Variants in PKNOX2 observed in about 807,000 individuals in gnomAD.
PKNOX2 encodes the protein PBX/knotted 1 homeobox 2.
A neutral mutation model predicts 53.1 loss-of-function variants in PKNOX2; 14 were observed. The observed-to-expected ratio is 0.26, with a 90% CI of 0.17 to 0.41. The LOEUF (loss-of-function observed/expected upper bound fraction) is 0.41. Among genes scored for constraint, PKNOX2 ranks in the 10% least tolerant of loss-of-function variants. The pLI is 1.00. For missense variants in PKNOX2, 496 were observed against 602.8 expected, an observed-to-expected ratio of 0.82 and a Z score of 1.85; for synonymous variants, 257 against 242.8, an observed-to-expected ratio of 1.06 and a Z score of -0.54.
intron 2 of PKNOX2, among the ~76,000 whole-genome samples, chr11:125,251,049 C>G (rs1405464022): frequency 6.6e-6 from 1 of 152,246 alleles, no homozygotes; most frequent in Non-Finnish European, 1.5e-5. Flanking sequence ...GCGGGCGCCC[C>G]TCCACCCCCT....
At chr11:125,234,484 C>T (rs1321339803) in intron 1 of PKNOX2, among the ~76,000 whole-genome samples, 1 of 152,208 alleles carries the variant, frequency 6.6e-6, no homozygotes, top group Admixed American at 6.5e-5. Flanking sequence ...TCTCTATGCA[C>T]ATTTTTCTTC....
At chr11:125,196,662 G>GGCA (rs1937729618) in intron 1 of PKNOX2, among the ~76,000 whole-genome samples, 1 of 152,152 alleles carries the variant, frequency 6.6e-6, no homozygotes, top group Non-Finnish European at 1.5e-5. Flanking sequence ...TGTGGCCTTG[G>GGCA]GCAAGCTGCC....
chr11:125,249,996 C>G (rs1368387125), intron 2 of PKNOX2, among the ~76,000 whole-genome samples: 1 of 133,558 alleles, frequency 7.5e-6, no homozygotes, highest in Non-Finnish European at 1.5e-5. Context: ...ACCCGGGAGG[C>G]AGAGGTTGCG....
At chr11:125,419,143 C>G (rs1023854633) in intron 10 of PKNOX2, among the ~76,000 whole-genome samples, 6 of 151,890 alleles carry the variant, frequency 4.0e-5, no homozygotes, top group African/African-American at 1.2e-4. Context: ...TGGGGCAGGA[C>G]CTGGGTTGAG....
chr11:125,212,866 C>G (rs1188338430), intron 1 of PKNOX2, among the ~76,000 whole-genome samples: 1 of 151,960 alleles, frequency 6.6e-6, no homozygotes, highest in Non-Finnish European at 1.5e-5. Context: ...GGTCTAGGCT[C>G]AGAACTCACT....
intron 2 of PKNOX2, among the ~76,000 whole-genome samples, chr11:125,270,508 G>A (rs576945539): frequency 6.6e-6 from 1 of 152,264 alleles, no homozygotes; most frequent in East Asian, 1.9e-4. Flanking sequence ...ATTGTCCCAC[G>A]CCTGGCGCCA....
At chr11:125,388,878 A>C (rs1397260406) in intron 6 of PKNOX2, among the ~76,000 whole-genome samples, 1 of 152,172 alleles carries the variant, frequency 6.6e-6, no homozygotes, top group African/African-American at 2.4e-5. Flanking sequence ...GAAGAAACAG[A>C]TTCATCAACC....
intron 1 of PKNOX2, among the ~76,000 whole-genome samples, chr11:125,175,900 G>A (rs954519596): frequency 1.3e-5 from 2 of 152,214 alleles, no homozygotes; most frequent in Non-Finnish European, 2.9e-5. Flanking sequence ...ACCGTGACTT[G>A]CATGTAATAC....
intron 2 of PKNOX2, among the ~76,000 whole-genome samples, chr11:125,254,035 A>G (rs931028551): frequency 6.6e-6 from 1 of 152,136 alleles, no homozygotes; most frequent in Non-Finnish European, 1.5e-5. Context: ...ATGTAACACC[A>G]GGCTTCCTCC....
chr11:125,377,741 G>A (rs185366953), intron 5 of PKNOX2, among the ~76,000 whole-genome samples: 1 of 152,280 alleles, frequency 6.6e-6, no homozygotes, highest in African/African-American at 2.4e-5. Flanking sequence ...AACAATAGCT[G>A]ATGAGCAAAA....
chr11:125,257,558 A>G (rs1944499859), intron 2 of PKNOX2, among the ~76,000 whole-genome samples: 1 of 152,218 alleles, frequency 6.6e-6, no homozygotes, highest in Admixed American at 6.5e-5. Flanking sequence ...ATTTACTAAG[A>G]ATCTGACATT....
chr11:125,245,383 A>C (rs1014083214), intron 2 of PKNOX2, among the ~76,000 whole-genome samples: 2 of 152,230 alleles, frequency 1.3e-5, no homozygotes, highest in African/African-American at 4.8e-5. Context: ...GGAGCTCAGA[A>C]AGGCCAAGCA....
At chr11:125,391,864 G>C (rs933996824) in intron 6 of PKNOX2, among the ~76,000 whole-genome samples, 1 of 152,268 alleles carries the variant, frequency 6.6e-6, no homozygotes, top group South Asian at 2.1e-4. Flanking sequence ...CACATTTGGC[G>C]GTGATGTTGA....
intron 2 of PKNOX2, among the ~76,000 whole-genome samples, chr11:125,302,453 C>T (rs1006649799): frequency 2.0e-5 from 3 of 152,206 alleles, no homozygotes; most frequent in Non-Finnish European, 2.9e-5. Context: ...CTGCACACTA[C>T]CCCTCACAGC....
chr11:125,387,377 CCTT>C lies in PKNOX2; in HGVS notation c.399+1659_399+1661del, dbSNP rs1953708274. On this transcript the variant is annotated intron_variant, in intron 6 of 12. Coordinates refer to ENST00000298282, the MANE Select transcript of PKNOX2 (RefSeq NM_001382323.2). The stretch of plus-strand genomic sequence containing the variant: ...GGTAGCTAATGTGAAATAACTTATA[CCTT>C]CTTAAGAGGGAGGAGTTCTGGGGGA... Among the ~76,000 whole-genome samples the C allele has an allele frequency of 3.3e-5, 5 of 152,198 alleles. No homozygotes were observed. In the South Asian group the frequency reaches 1.0e-3, roughly 32 times the overall value.
At chr11:125,221,639 T>C (rs1035857608) in intron 1 of PKNOX2, among the ~76,000 whole-genome samples, 1 of 152,218 alleles carries the variant, frequency 6.6e-6, no homozygotes, top group Non-Finnish European at 1.5e-5. Context: ...TGAGTTTAAG[T>C]AGCTTGTTAT....
chr11:125,387,743 C>T (rs1470942354), intron 6 of PKNOX2, among the ~76,000 whole-genome samples: 2 of 152,134 alleles, frequency 1.3e-5, no homozygotes, highest in African/African-American at 2.4e-5. Context: ...TGGAGCAATC[C>T]TTGGACATTC....
intron 1 of PKNOX2, among the ~76,000 whole-genome samples, chr11:125,195,743 C>T (rs552117712): frequency 1.3e-5 from 2 of 152,248 alleles, no homozygotes; most frequent in African/African-American, 4.8e-5. Context: ...GTGGGGCAGT[C>T]CCATCGGCAG....
At position 125,166,344 on chromosome 11, in the gene PKNOX2, A is replaced by G. The variant is rs1467977; in HGVS notation, c.-201+1568A>G. 0.21 allele frequency among the ~76,000 whole-genome samples: 31,768 copies of G among 152,170 alleles called. 4,026 individuals carry two copies. Among genetic ancestry groups the G allele is most frequent in the Non-Finnish European group, 0.29 (19,705 of 67,980 alleles). The stretch of plus-strand genomic sequence containing the variant: ...TAGTTGATCTGAGCCATGGCAGGCG[A>G]GCCCCGAATTTTTGCTGCTTCCCCC... On this transcript the variant is annotated intron_variant, in intron 1 of 12. Coordinates refer to ENST00000298282, the MANE Select transcript of PKNOX2 (RefSeq NM_001382323.2). This position sits in a 1 kb window ranked among gnomAD's most constrained non-coding sequence, Gnocchi z 4.0.
Sources: gnomAD v4.1 joint callset for allele counts (sites outside exome capture counted in the v4.1 genomes callset) on GRCh38, gnomAD v4.1.1 for gene constraint, Gnocchi (gnomAD v3.1) non-coding constraint, MANE v1.5 for transcripts, NCBI Gene and HGNC (gene_info 2026-07-23, HGNC 2026-07-21) for gene names.